The following DCC variants were observed in gnomAD, a reference collection of about 807,000 sequenced individuals.
DCC encodes netrin receptor DCC.
DCC carries 58 observed loss-of-function variants against 172.5 expected under a neutral mutation model. The observed-to-expected ratio is 0.34, with a 90% CI of 0.27 to 0.42. DCC has a LOEUF of 0.42. Among genes scored for constraint, DCC ranks in the 10% least tolerant of loss-of-function variants. The pLI, the probability that DCC is intolerant of heterozygous loss-of-function variation, is 1.00. For missense variants in DCC, 1,740 were observed against 1,791.0 expected (o/e 0.97, Z 0.51); for synonymous variants, 709 against 644.5 (o/e 1.10, Z -1.52).
chr18:52,610,178 A>C (rs4940193), intron 1 of DCC, among the ~76,000 whole-genome samples: 2 of 14,088 alleles, frequency 1.4e-4, no homozygotes, highest in African/African-American at 7.8e-4. Context: ...AAAAAAAAAA[A>C]ATATATATAT....
chr18:53,079,985 A>T lies in DCC; in HGVS notation c.1261+13819A>T, dbSNP rs79062279. Among the ~76,000 whole-genome samples the T allele has an allele frequency of 1.2e-3, 177 of 152,248 alleles. 1 individual carries two copies. The highest frequency in any genetic ancestry group is 2.3e-3 in the Non-Finnish European group (155 of 67,990). On this transcript the variant is annotated intron_variant, in intron 7 of 28. Coordinates refer to ENST00000442544, the MANE Select transcript of DCC (RefSeq NM_005215.4). ...GACTATGTGGGATAGGGATGGCTAA[A>T]TGTAAAAGATAGGCTTGCTTCTATT...
At chr18:52,460,143 T>C (rs1449274454) in intron 1 of DCC, among the ~76,000 whole-genome samples, 1 of 152,186 alleles carries the variant, frequency 6.6e-6, no homozygotes, top group Non-Finnish European at 1.5e-5. Flanking sequence ...GCTTTAGATA[T>C]TGCCCCTGCT....
intron 25 of DCC, among the ~76,000 whole-genome samples, chr18:53,486,159 T>C (rs1040892306): frequency 6.6e-6 from 1 of 152,158 alleles, no homozygotes; most frequent in East Asian, 1.9e-4. Flanking sequence ...ATTTTGTATG[T>C]TTTTTATCTG....
At position 53,215,584 on chromosome 18, in the gene DCC, T is replaced by G; in HGVS notation, c.1898T>G (p.Val633Gly). Residue 633 changes from valine (V) to glycine (G), a missense_variant, in exon 12 of 29, where the codon GTG becomes GGG. Around this residue, in one of 2 missense-constraint regions of DCC, gnomAD observed 1,732 missense variants for 1,767.4 expected, o/e 0.98. Coordinates refer to ENST00000442544, the MANE Select transcript of DCC (RefSeq NM_005215.4). The stretch of plus-strand genomic sequence containing the variant: ...CCGCCTCAGAACGTCTCCCTGGAAG[T>G]GGTCAATTCAAGAGTAAGTTGGCTA... ...SAPPQNVSLE[V>G]VNSRSIKVSW... The G allele has an allele frequency of 6.2e-7, 1 of 1,613,702 alleles. No homozygotes were observed. Among genetic ancestry groups the G allele is most frequent in the Non-Finnish European group, 8.5e-7 (1 of 1,179,654 alleles).
chr18:53,397,588 T>C, intron 18 of DCC, 142 bp downstream of exon 18: 1 of 880,516 alleles, frequency 1.1e-6, no homozygotes, highest in Non-Finnish European at 1.8e-6. Flanking sequence ...TCATAGCACT[T>C]TTATATCTAA....
chr18:52,980,142 G>C (rs1023935192), intron 5 of DCC, among the ~76,000 whole-genome samples: 2 of 152,134 alleles, frequency 1.3e-5, no homozygotes, highest in Admixed American at 1.3e-4. Flanking sequence ...AGTCCCAAAA[G>C]ATATGCATTC....
chr18:52,530,251 A>T (rs989382520), intron 1 of DCC, among the ~76,000 whole-genome samples: 2 of 152,184 alleles, frequency 1.3e-5, no homozygotes, highest in Non-Finnish European at 2.9e-5. Flanking sequence ...ACACGCACAC[A>T]CACAAACACA....
intron 2 of DCC, among the ~76,000 whole-genome samples, chr18:52,799,170 C>T (rs1331536502): frequency 6.6e-6 from 1 of 152,306 alleles, no homozygotes; most frequent in East Asian, 1.9e-4. Context: ...AAATTAGAAG[C>T]CATCTAATCC....
intron 8 of DCC, among the ~76,000 whole-genome samples, chr18:53,158,092 T>C (rs2054773678): frequency 6.6e-6 from 1 of 152,102 alleles, no homozygotes; most frequent in African/African-American, 2.4e-5. Flanking sequence ...ATCCCATAAA[T>C]ATGTACATCT....
At chr18:53,489,740 GAAAGA>G (rs1263838344) in intron 26 of DCC, among the ~76,000 whole-genome samples, 6 of 152,034 alleles carry the variant, frequency 3.9e-5, no homozygotes, top group African/African-American at 1.4e-4. Flanking sequence ...CAACCATAAG[GAAAGA>G]AAAGATATGG....
At chr18:53,022,134 G>C (rs1306141684) in intron 5 of DCC, among the ~76,000 whole-genome samples, 1 of 152,042 alleles carries the variant, frequency 6.6e-6, no homozygotes, top group Non-Finnish European at 1.5e-5. Flanking sequence ...GTATATGTTT[G>C]AAAATATCTT....
intron 5 of DCC, among the ~76,000 whole-genome samples, chr18:52,950,494 T>G (rs528728961): frequency 2.6e-5 from 4 of 152,196 alleles, no homozygotes; most frequent in Non-Finnish European, 4.4e-5. Flanking sequence ...AAGAGAGATA[T>G]AGATTATATA....
intron 23 of DCC, among the ~76,000 whole-genome samples, chr18:53,454,314 C>T (rs117101056): frequency 6.6e-6 from 1 of 152,282 alleles, no homozygotes; most frequent in East Asian, 1.9e-4. Flanking sequence ...CACTGTACTC[C>T]GGCCTGGGTG....
chr18:52,568,496 A>G (rs74705160), intron 1 of DCC, among the ~76,000 whole-genome samples: 6,055 of 152,280 alleles, frequency 0.04, 158 homozygotes, highest in Non-Finnish European at 0.054. Context: ...ATACAGATAT[A>G]TGAAGTTCCT....
intron 27 of DCC, among the ~76,000 whole-genome samples, chr18:53,500,747 C>G (rs929509239): frequency 6.6e-6 from 1 of 151,680 alleles, no homozygotes; most frequent in African/African-American, 2.4e-5. Context: ...TTGGGACGCA[C>G]GTTCCACTAT....
intron 5 of DCC, among the ~76,000 whole-genome samples, chr18:53,006,632 A>C (rs2041651223): frequency 6.6e-6 from 1 of 152,234 alleles, no homozygotes; most frequent in Non-Finnish European, 1.5e-5. Flanking sequence ...TGATAAAATG[A>C]AACTACTGCA....
At chr18:53,272,777 T>G (rs2056763244) in intron 12 of DCC, among the ~76,000 whole-genome samples, 1 of 152,118 alleles carries the variant, frequency 6.6e-6, no homozygotes, top group Non-Finnish European at 1.5e-5. Context: ...AATGTTTACT[T>G]CTTAATATTT....
intron 2 of DCC, among the ~76,000 whole-genome samples, chr18:52,768,278 T>C (rs942028263): frequency 2.0e-5 from 3 of 152,126 alleles, no homozygotes; most frequent in African/African-American, 7.2e-5. Context: ...AAATTACGAG[T>C]TTATCCATTT....
intron 2 of DCC, among the ~76,000 whole-genome samples, chr18:52,864,582 A>G (rs2039191292): frequency 6.6e-6 from 1 of 152,130 alleles, no homozygotes; most frequent in African/African-American, 2.4e-5. Context: ...GGGTATACAC[A>G]CGTTACATAG....
Sources: allele counts gnomAD v4.1 joint callset (sites outside exome capture counted in the v4.1 genomes callset), GRCh38; gene constraint gnomAD v4.1.1; regional missense constraint gnomAD v4.1.1; transcripts MANE v1.5; gene names NCBI Gene and HGNC (gene_info 2026-07-23, HGNC 2026-07-21).